Variants in LOXHD1 observed in about 807,000 individuals in gnomAD.
The protein encoded by LOXHD1 is lipoxygenase homology PLAT domains 1.
Under a neutral mutation model 248.2 loss-of-function variants are expected in LOXHD1, and 205 were observed. The ratio of observed to expected loss-of-function variants is 0.83; its 90% CI spans 0.74 to 0.93. The LOEUF is 0.93. Among genes scored for constraint, LOXHD1 ranks in the 40% least tolerant of loss-of-function variants. LOXHD1 has a pLI of 0.00. For synonymous variants in LOXHD1, 1,113 were observed against 1,162.8 expected, an observed-to-expected ratio of 0.96 and a Z score of 0.87; for missense variants, 2,930 against 2,971.6, an observed-to-expected ratio of 0.99 and a Z score of 0.33.
rs1399637083 is a variant in LOXHD1, at chr18:46,601,455, A to G, written c.896T>C (p.Ile299Thr). The G allele has an allele frequency of 2.6e-6, 4 of 1,551,630 alleles. No homozygotes were observed. Among genetic ancestry groups the G allele is most frequent in the South Asian group, 1.2e-5 (1 of 84,066 alleles). ...GACATCCCCAGTGAAGACGGTGACA[A>G]TATACGTAATAGCTGGTGTGGAAAC... is the stretch of plus-strand genomic sequence containing the variant. Reference protein sequence around the residue: ...GGAETTAITYIVTVFTGDVRG... With the variant: ...GGAETTAITYTVTVFTGDVRG... The change falls in exon 8 of 41, where the codon ATT becomes ACT. Residue 299 changes from isoleucine (I) to threonine (T), a missense_variant. By Grantham distance (89) the Ile-to-Thr change is moderately conservative. Transcript: ENST00000642948.
chr18:46,557,554 C>T, intron 20 of LOXHD1, 65 bp from the exon 21 acceptor site: 1 of 1,543,158 alleles, frequency 6.5e-7, no homozygotes, highest in South Asian at 1.2e-5. Flanking sequence ...CCATCAGCCC[C>T]ATCCTCCCAA....
At chr18:46,630,172 A>G (rs1205764979) in intron 4 of LOXHD1, among the ~76,000 whole-genome samples, 1 of 152,136 alleles carries the variant, frequency 6.6e-6, no homozygotes, top group Non-Finnish European at 1.5e-5. Flanking sequence ...AGTCTGAAAC[A>G]TTTCTGAGCT....
intron 9 of LOXHD1, 122 bp from the exon 10 acceptor site, chr18:46,593,882 TC>T: frequency 9.9e-7 from 1 of 1,010,816 alleles, no homozygotes; most frequent in Non-Finnish European, 1.4e-6. Context: ...CACAGGTGTG[TC>T]CCACTCTCAG....
rs1444945856 is a variant in LOXHD1, at chr18:46,489,143, C to T, written c.5879-1G>A. ...CTCAGATGCCAGCCAGGAAATATCC[C>T]TGTGGAAAAGACACCATGGGGGTTG... is the stretch of plus-strand genomic sequence containing the variant. On this transcript the variant is annotated splice_acceptor_variant, in intron 37 of 40. Coordinates refer to ENST00000642948, the MANE Select transcript of LOXHD1 (RefSeq NM_001384474.1). LOFTEE classifies it high-confidence loss of function. 6.4e-7 allele frequency: 1 copy of T among 1,551,662 alleles called. No homozygotes were observed. The highest frequency in any genetic ancestry group is 2.4e-5 in the East Asian group (1 of 40,916).
chr18:46,656,877 C>G (rs2039189313), intron 1 of LOXHD1, 27 bp downstream of exon 1: 1 of 1,548,884 alleles, frequency 6.5e-7, no homozygotes, highest in Non-Finnish European at 8.7e-7. Context: ...CTGCACCACC[C>G]GCCCCCCGCA....
chr18:46,589,092 A>G (rs2144210530), intron 12 of LOXHD1, among the ~76,000 whole-genome samples: 1 of 152,292 alleles, frequency 6.6e-6, no homozygotes, highest in East Asian at 1.9e-4. Context: ...TGATCAACTC[A>G]GTATACCACT....
chr18:46,601,066 C>T, intron 8 of LOXHD1, 151 bp downstream of exon 8: 2 of 1,094,180 alleles, frequency 1.8e-6, no homozygotes, highest in Admixed American at 5.6e-5. Flanking sequence ...GATAGACGGA[C>T]ACGTAACCAC....
At chr18:46,506,851 G>T (rs796704431) in intron 36 of LOXHD1, among the ~76,000 whole-genome samples, 3 of 152,332 alleles carry the variant, frequency 2.0e-5, no homozygotes, top group African/African-American at 7.2e-5. Flanking sequence ...GAGCTTGCCA[G>T]ATTCCTTGTA....
intron 21 of LOXHD1, 78 bp downstream of exon 21, chr18:46,557,278 T>C: frequency 1.3e-6 from 2 of 1,533,086 alleles, no homozygotes; most frequent in Admixed American, 2.0e-5. Flanking sequence ...CCCCCAGTCT[T>C]CTTCCAGGAC....
chr18:46,550,693 C>G lies in LOXHD1; in HGVS notation c.3351-3635G>C, dbSNP rs1006759018. ...GAAAAGCTTCCATCAACCAGGGTCC[C>G]TGAGTGAACATGCTGAGCAAAGTCC... On this transcript the variant is annotated intron_variant, in intron 21 of 40. Coordinates refer to ENST00000642948, the MANE Select transcript of LOXHD1 (RefSeq NM_001384474.1). Among the ~76,000 whole-genome samples the G allele has an allele frequency of 5.3e-5, 8 of 152,094 alleles. No homozygotes were observed. The East Asian group carries it at 1.5e-3, about 29-fold the overall frequency.
intron 5 of LOXHD1, among the ~76,000 whole-genome samples, chr18:46,615,771 A>G (rs1217055178): frequency 1.3e-5 from 2 of 152,198 alleles, no homozygotes; most frequent in Non-Finnish European, 2.9e-5. Flanking sequence ...TGGCCTATCC[A>G]TTATTGAGAG....
At chr18:46,527,225 T>G (rs1253404962) in intron 29 of LOXHD1, among the ~76,000 whole-genome samples, 1 of 152,132 alleles carries the variant, frequency 6.6e-6, no homozygotes, top group Admixed American at 6.5e-5. Context: ...TTAATCCATA[T>G]TTATTGAATG....
At chr18:46,520,965 A>G in intron 33 of LOXHD1, 132 bp downstream of exon 33, 1 of 1,083,960 alleles carries the variant, frequency 9.2e-7, no homozygotes, top group Non-Finnish European at 1.3e-6. Flanking sequence ...TGGCTAGCAC[A>G]CCAGGCTGCA....
At chr18:46,545,065 G>C (rs549464707) in intron 23 of LOXHD1, 107 of 523,470 alleles carry the variant, frequency 2.0e-4, no homozygotes, top group Non-Finnish European at 3.4e-4. Flanking sequence ...GTTGGGCAAA[G>C]CCATCTTGTC....
chr18:46,507,549 C>T lies in LOXHD1; in HGVS notation c.5681G>A (p.Ser1894Asn). The change falls in exon 36 of 41, where the codon AGC becomes AAC. Residue 1894 changes from serine to asparagine, a missense_variant. Coordinates refer to ENST00000642948, the MANE Select transcript of LOXHD1 (RefSeq NM_001384474.1). ...GACCCCCGACCCACCCAGGATGTCG[C>T]TGGTCTTAACTGCGACGGTGTAGGA... ...WTSYTVAVKT[S>N]DILGAGTDAN... 6.4e-7 allele frequency: 1 copy of T among 1,551,700 alleles called. No individual in the cohort carries two copies. The highest frequency in any genetic ancestry group is 1.4e-5 in the African/African-American group (1 of 73,170).
intron 34 of LOXHD1, among the ~76,000 whole-genome samples, chr18:46,517,712 T>C (rs1019726736): frequency 1.3e-4 from 20 of 152,200 alleles, no homozygotes; most frequent in African/African-American, 4.6e-4. Flanking sequence ...TTGTAATCAT[T>C]TGAGACTTAC....
At chr18:46,565,977 G>T (rs953368022) in intron 17 of LOXHD1, among the ~76,000 whole-genome samples, 1 of 152,042 alleles carries the variant, frequency 6.6e-6, no homozygotes, top group Non-Finnish European at 1.5e-5. Context: ...TCCTATACAG[G>T]GTTGAGTGTG....
At chr18:46,557,961 G>T in intron 20 of LOXHD1, 2 of 1,034,156 alleles carry the variant, frequency 1.9e-6, no homozygotes, top group Non-Finnish European at 2.3e-6. Context: ...AGACGGATTT[G>T]CCCACCATTT....
Position 46,521,239 on chromosome 18 carries a change from T to C in LOXHD1, c.5129A>G (p.Glu1710Gly). 6.4e-7 allele frequency: 1 copy of C among 1,551,546 alleles called. No homozygotes were observed. The highest frequency in any genetic ancestry group is 8.7e-7 in the Non-Finnish European group (1 of 1,146,908). The change falls in exon 33 of 41, where the codon GAA becomes GGA. Residue 1710 changes from glutamate (E) to glycine (G), a missense_variant. Transcript: ENST00000642948. ...GGTGGGCACTGCCAAACACAACTCT[T>C]CCACCAGCCAGCAGCTCTCAGGGGA... ...GASPESCWLV[E>G]ELCLAVPTQG...
Sources: gnomAD v4.1 joint callset for allele counts (sites outside exome capture counted in the v4.1 genomes callset) on GRCh38, gnomAD v4.1.1 for gene constraint, MANE v1.5 for transcripts, NCBI Gene and HGNC (gene_info 2026-07-23, HGNC 2026-07-21) for gene names.